The following BLTP3A variants were observed in gnomAD, a reference collection of about 807,000 sequenced individuals.
BLTP3A encodes the protein bridge-like lipid transfer protein family member 3A.
the BLTP3A span, chr6:34,864,269 T>A: frequency 7.1e-7 from 1 of 1,411,606 alleles, no homozygotes; most frequent in Non-Finnish European, 9.7e-7. Context: ...TGTATCAGAC[T>A]GGCAGGGCTA....
chr6:34,835,083 A>T, the BLTP3A span, among the ~76,000 whole-genome samples: 1 of 152,068 alleles, frequency 6.6e-6, no homozygotes, highest in Non-Finnish European at 1.5e-5. Context: ...GTATGTAGGG[A>T]CACTGACATA....
At chr6:34,833,642 G>A in the BLTP3A span, among the ~76,000 whole-genome samples, 2 of 151,820 alleles carry the variant, frequency 1.3e-5, no homozygotes, top group Non-Finnish European at 2.9e-5. Flanking sequence ...ATTAAAGAAA[G>A]TACTGTCCAG....
At chr6:34,868,355 A>G in the BLTP3A span, among the ~76,000 whole-genome samples, 1 of 152,012 alleles carries the variant, frequency 6.6e-6, no homozygotes, top group Non-Finnish European at 1.5e-5. Flanking sequence ...ATGGTGGCTC[A>G]TGCCTGTAAT....
the BLTP3A span, among the ~76,000 whole-genome samples, chr6:34,802,756 T>G: frequency 6.6e-6 from 1 of 152,242 alleles, no homozygotes; most frequent in Non-Finnish European, 1.5e-5. Flanking sequence ...TTGGAGCACT[T>G]AACATGTTGA....
chr6:34,811,721 T>C, the BLTP3A span, among the ~76,000 whole-genome samples: 5 of 132,990 alleles, frequency 3.8e-5, no homozygotes, highest in South Asian at 2.8e-4. Context: ...TTGCCGGGCA[T>C]GGTGATGCAG....
chr6:34,852,192 A>C, the BLTP3A span, among the ~76,000 whole-genome samples: 1 of 152,058 alleles, frequency 6.6e-6, no homozygotes, highest in Non-Finnish European at 1.5e-5. Context: ...AAGCAGGAGG[A>C]GTCTCTCCTT....
chr6:34,834,308 T>G, the BLTP3A span: 1 of 1,614,124 alleles, frequency 6.2e-7, no homozygotes, highest in Non-Finnish European at 8.5e-7. Flanking sequence ...CTTCCACGCT[T>G]CTTTTGAATT....
chr6:34,870,800 C>T, the BLTP3A span: 215,641 of 1,590,392 alleles, frequency 0.14, 19,975 homozygotes, highest in East Asian at 0.54. Context: ...TATAAGGTGC[C>T]TAGAAGACTC....
the BLTP3A span, among the ~76,000 whole-genome samples, chr6:34,818,342 G>T: frequency 3.9e-5 from 6 of 152,088 alleles, no homozygotes; most frequent in Non-Finnish European, 8.8e-5. Flanking sequence ...AGTGATGTGT[G>T]CCTGTAGTCC....
the BLTP3A span, among the ~76,000 whole-genome samples, chr6:34,817,651 T>C: frequency 6.6e-6 from 1 of 152,190 alleles, no homozygotes; most frequent in Non-Finnish European, 1.5e-5. Context: ...TGCCTGCATA[T>C]GTGTTATAGG....
the BLTP3A span, chr6:34,792,224 G>T: frequency 6.5e-7 from 1 of 1,531,842 alleles, no homozygotes; most frequent in South Asian, 1.2e-5. Flanking sequence ...CGGCCCACCC[G>T]CCTTCCACGC....
chr6:34,802,850 G>A, the BLTP3A span, among the ~76,000 whole-genome samples: 66 of 152,044 alleles, frequency 4.3e-4, no homozygotes, highest in Admixed American at 1.9e-3. Context: ...AATCATGTGC[G>A]TAAGTAAGTA....
At chr6:34,825,072 A>C in the BLTP3A span, among the ~76,000 whole-genome samples, 1 of 152,170 alleles carries the variant, frequency 6.6e-6, no homozygotes, top group African/African-American at 2.4e-5. Context: ...ATCCCACCAC[A>C]CACACATTTT....
the BLTP3A span, chr6:34,822,050 G>A: frequency 4.1e-6 from 6 of 1,469,748 alleles, no homozygotes; most frequent in Admixed American, 6.9e-5. Flanking sequence ...ACCCTTTTAG[G>A]AATGGTGGGT....
At chr6:34,800,187 A>C in the BLTP3A span, among the ~76,000 whole-genome samples, 4 of 152,320 alleles carry the variant, frequency 2.6e-5, no homozygotes, top group African/African-American at 9.6e-5. Flanking sequence ...TTACTTATAC[A>C]GCGTCTAAGA....
the BLTP3A span, chr6:34,864,316 TAATC>T: frequency 1.3e-4 from 135 of 1,058,410 alleles, 2 homozygotes; most frequent in South Asian, 4.1e-4. Flanking sequence ...GACATTTTCT[TAATC>T]AAGACAAAAA....
chr6:34,836,847 G>A, the BLTP3A span, among the ~76,000 whole-genome samples: 5 of 152,118 alleles, frequency 3.3e-5, no homozygotes, highest in African/African-American at 1.2e-4. Context: ...GACATACTTA[G>A]AACAACTGCC....
chr6:34,799,824 C>G, the BLTP3A span, among the ~76,000 whole-genome samples: 1 of 151,882 alleles, frequency 6.6e-6, no homozygotes, highest in Non-Finnish European at 1.5e-5. Context: ...AAAAGTATTC[C>G]ATAAACAATA....
chr6:34,839,818 C>T, the BLTP3A span, among the ~76,000 whole-genome samples: 1 of 152,260 alleles, frequency 6.6e-6, no homozygotes, highest in Non-Finnish European at 1.5e-5. Flanking sequence ...TCCCTCTGGG[C>T]ACAACCCAGT....
Sources: gnomAD v4.1 joint callset for allele counts (sites outside exome capture counted in the v4.1 genomes callset) on GRCh38, gnomAD v4.1.1 for gene constraint, MANE v1.5 for transcripts, NCBI Gene and HGNC (gene_info 2026-07-23, HGNC 2026-07-21) for gene names.